Variants in TSPAN9 observed in about 807,000 individuals in gnomAD.
TSPAN9 encodes tetraspanin-9.
A neutral mutation model predicts 31.0 loss-of-function variants in TSPAN9; 16 were observed. That is an observed-to-expected ratio of 0.52 (90% CI 0.35 to 0.78). The LOEUF (loss-of-function observed/expected upper bound fraction) is 0.78. Ranked by LOEUF, TSPAN9 falls within the 30% of genes least tolerant of loss-of-function variation. The probability of loss-of-function intolerance (pLI) is 0.01; values close to 1 mark genes in which losing one functional copy is unlikely to be tolerated. For synonymous variants in TSPAN9, 145 were observed against 121.6 expected, an observed-to-expected ratio of 1.19 and a Z score of -1.27; for missense variants, 272 against 312.5, an observed-to-expected ratio of 0.87 and a Z score of 0.98.
chr12:3,078,294 A>G (rs1299953738), intron 1 of TSPAN9, among the ~76,000 whole-genome samples: 1 of 152,106 alleles, frequency 6.6e-6, no homozygotes, highest in East Asian at 1.9e-4. Flanking sequence ...CCAGTCTCTC[A>G]TTATGTGCGC....
At chr12:3,193,344 C>T (rs1340702439) in intron 2 of TSPAN9, among the ~76,000 whole-genome samples, 1 of 152,180 alleles carries the variant, frequency 6.6e-6, no homozygotes, top group Non-Finnish European at 1.5e-5. Context: ...ACACCACCTG[C>T]CTGGCTCCTC....
Position 3,255,140 on chromosome 12 carries a change from G to A in TSPAN9, c.64-23281G>A, listed in dbSNP as rs144276174. Among the ~76,000 whole-genome samples, 280 of 152,368 alleles carry A rather than the reference G, an allele frequency of 1.8e-3. 1 individual carries two copies. Among genetic ancestry groups the A allele is most frequent in the Non-Finnish European group, 3.0e-3 (207 of 68,036 alleles). On this transcript the variant is annotated intron_variant, in intron 3 of 8. Transcript: ENST00000011898. Reference sequence around the variant, plus strand: ...GAGACAATGAGTAGCAAGGCACGCAGCTGAGCAGGAGGGCTGATGGGTGCA... The same window carrying A: ...GAGACAATGAGTAGCAAGGCACGCAACTGAGCAGGAGGGCTGATGGGTGCA...
intron 2 of TSPAN9, among the ~76,000 whole-genome samples, chr12:3,139,939 C>G (rs1383558976): frequency 6.6e-6 from 1 of 152,212 alleles, no homozygotes; most frequent in Admixed American, 6.5e-5. Context: ...CACGTGGCCT[C>G]CCCAGGAGCA....
chr12:3,248,224 C>A (rs1299975074), intron 3 of TSPAN9, among the ~76,000 whole-genome samples: 1 of 152,098 alleles, frequency 6.6e-6, no homozygotes, highest in East Asian at 1.9e-4. Context: ...GGTGCTGTGG[C>A]CCCCCTAGGC....
chr12:3,256,270 C>T (rs1034348419), intron 3 of TSPAN9, among the ~76,000 whole-genome samples: 20 of 152,220 alleles, frequency 1.3e-4, no homozygotes, highest in Non-Finnish European at 1.0e-4. Context: ...CTGGGGGCTT[C>T]GTAAGGAGCT....
chr12:3,145,139 C>G (rs2098336561), intron 2 of TSPAN9, among the ~76,000 whole-genome samples: 1 of 152,300 alleles, frequency 6.6e-6, no homozygotes, highest in African/African-American at 2.4e-5. Context: ...GTGCAGCAGC[C>G]CTCGGCGTCC....
intron 3 of TSPAN9, among the ~76,000 whole-genome samples, chr12:3,267,025 T>C (rs148266138): frequency 2.0e-5 from 3 of 152,316 alleles, no homozygotes; most frequent in East Asian, 3.9e-4. Flanking sequence ...TGAAAGGGCC[T>C]CCGACCTGCC....
chr12:3,256,557 C>T (rs1862349684), intron 3 of TSPAN9, among the ~76,000 whole-genome samples: 1 of 152,170 alleles, frequency 6.6e-6, no homozygotes, highest in Non-Finnish European at 1.5e-5. Flanking sequence ...TCGGGAGCGG[C>T]CCGGCTAGGG....
intron 3 of TSPAN9, among the ~76,000 whole-genome samples, chr12:3,204,403 G>C (rs1418606221): frequency 6.6e-6 from 1 of 152,196 alleles, no homozygotes; most frequent in Non-Finnish European, 1.5e-5. Flanking sequence ...GTATTGGTGA[G>C]GGCTGGGTGA....
intron 3 of TSPAN9, chr12:3,206,267 A>G (rs2058243): frequency 0.66 from 299,696 of 454,154 alleles, 100,577 homozygotes; most frequent in East Asian, 0.83. Context: ...CTGAATGCCC[A>G]CTCTGTGCAC....
chr12:3,223,337 C>A (rs927103068), intron 3 of TSPAN9, among the ~76,000 whole-genome samples: 5 of 152,164 alleles, frequency 3.3e-5, no homozygotes, highest in African/African-American at 1.2e-4. Flanking sequence ...TCCAGCATGG[C>A]CAGCCCTGGG....
chr12:3,180,128 G>A (rs2098357906), intron 2 of TSPAN9, among the ~76,000 whole-genome samples: 4 of 152,044 alleles, frequency 2.6e-5, no homozygotes, highest in African/African-American at 9.7e-5. Context: ...GTAATTCAGC[G>A]CACACACAGC....
In TSPAN9 at chr12:3,147,285, C is replaced by T. The variant is rs1000032889; in HGVS notation, c.-17-53892C>T. On this transcript the variant is annotated intron_variant, in intron 2 of 8. Coordinates refer to ENST00000011898, the MANE Select transcript of TSPAN9 (RefSeq NM_006675.5). This position sits in a 1 kb window ranked among gnomAD's most constrained non-coding sequence, Gnocchi z 4.3. Reference sequence around the variant, plus strand: ...GGTCCCTGCCCTGGGATGAGGAGCCCGCCAGGGGCTGGAGAGAATGACAGG... The same window carrying T: ...GGTCCCTGCCCTGGGATGAGGAGCCTGCCAGGGGCTGGAGAGAATGACAGG... 9.9e-5 allele frequency among the ~76,000 whole-genome samples: 15 copies of T among 152,166 alleles called. No individual in the cohort carries two copies. The highest frequency in any genetic ancestry group is 2.9e-4 in the African/African-American group (12 of 41,536).
chr12:3,200,353 AG>A (rs1221401575), intron 2 of TSPAN9: 1 of 152,162 alleles, frequency 6.6e-6, no homozygotes, highest in Non-Finnish European at 1.5e-5. Flanking sequence ...GGGATTTCGC[AG>A]GGAAAGCCCA....
chr12:3,212,008 G>T, intron 3 of TSPAN9: 1 of 747,974 alleles, frequency 1.3e-6, no homozygotes, highest in Non-Finnish European at 2.2e-6. Flanking sequence ...ATCTTTCTCC[G>T]TCACCCAGGC....
rs1220935637 is a variant in TSPAN9, at chr12:3,170,817, G to T, written c.-17-30360G>T. Among the ~76,000 whole-genome samples the T allele has an allele frequency of 6.6e-6, 1 of 152,154 alleles. No individual in the cohort carries two copies. The highest frequency in any genetic ancestry group is 1.5e-5 in the Non-Finnish European group (1 of 68,024). Reference sequence around the variant, plus strand: ...AGGCTTCGAGGTCCACCATCACCTCGTTTTCTGCCGGGCAGGGACTCCTGG... The same window carrying T: ...AGGCTTCGAGGTCCACCATCACCTCTTTTTCTGCCGGGCAGGGACTCCTGG... On this transcript the variant is annotated intron_variant, in intron 2 of 8. Coordinates refer to ENST00000011898, the MANE Select transcript of TSPAN9 (RefSeq NM_006675.5). This position sits in a 1 kb window ranked among gnomAD's most constrained non-coding sequence, Gnocchi z 4.4.
intron 3 of TSPAN9, among the ~76,000 whole-genome samples, chr12:3,243,336 T>C (rs906218138): frequency 2.6e-5 from 4 of 152,130 alleles, no homozygotes; most frequent in Non-Finnish European, 2.9e-5. Context: ...TACCACCTCA[T>C]TGAATTCCTG....
At chr12:3,083,408 A>G (rs1282429912) in intron 1 of TSPAN9, among the ~76,000 whole-genome samples, 1 of 152,138 alleles carries the variant, frequency 6.6e-6, no homozygotes, top group Non-Finnish European at 1.5e-5. Flanking sequence ...TCACTAATCA[A>G]TCGCAGCTGT....
chr12:3,267,180 T>A (rs1277617329), intron 3 of TSPAN9, among the ~76,000 whole-genome samples: 5 of 152,200 alleles, frequency 3.3e-5, no homozygotes, highest in African/African-American at 1.2e-4. Flanking sequence ...TCCTGAAGAA[T>A]GAGTTACAGT....
Sources: allele counts gnomAD v4.1 joint callset (sites outside exome capture counted in the v4.1 genomes callset), GRCh38; gene constraint gnomAD v4.1.1; non-coding constraint Gnocchi (gnomAD v3.1); transcripts MANE v1.5; gene names NCBI Gene and HGNC (gene_info 2026-07-23, HGNC 2026-07-21).